ZNF69: variants seen among roughly 807,000 people sequenced by gnomAD.
ZNF69 encodes the protein zinc finger protein 69, also known as ZNF3.
Under a neutral mutation model 50.9 loss-of-function variants are expected in ZNF69, and 47 were observed. The observed-to-expected ratio is 0.92, with a 90% confidence interval of 0.73 to 1.18. The LOEUF is 1.18. Among genes scored for constraint, ZNF69 ranks in the 50% most tolerant of loss-of-function variants. The probability of loss-of-function intolerance (pLI) is 0.00; values close to 1 mark genes in which losing one functional copy is unlikely to be tolerated. For missense variants in ZNF69, 717 were observed against 675.1 expected, an observed-to-expected ratio of 1.06 and a Z score of -0.69; for synonymous variants, 216 against 223.1, an observed-to-expected ratio of 0.97 and a Z score of 0.29.
the ZNF69 span, chr19:11,950,232 T>C: frequency 4.3e-4 from 691 of 1,610,390 alleles, 4 homozygotes; most frequent in African/African-American, 7.6e-3. Flanking sequence ...AATGTAAGGA[T>C]TGTGGGAAAG....
At chr19:11,950,133 C>G in the ZNF69 span, 1 of 1,614,118 alleles carries the variant, frequency 6.2e-7, no homozygotes, top group Non-Finnish European at 8.5e-7. Context: ...GAGAGAAACA[C>G]TATGAATGTA....
chr19:11,906,149 C>T lies in ZNF69; in HGVS notation c.*51C>T, dbSNP rs1008938486. 3.2e-6 allele frequency: 5 copies of T among 1,581,958 alleles called. No homozygotes were observed. Among genetic ancestry groups the T allele is most frequent in the East Asian group, 4.5e-5 (2 of 44,822 alleles). On this transcript the variant is annotated 3_prime_UTR_variant, in exon 4 of 4. Coordinates refer to ENST00000429654, the MANE Select transcript of ZNF69 (RefSeq NM_001364730.1). ...ACCTTTGAATGCATGGTAGGACACACAATCAAGAGAAACCATGAATGTAAA... is the reference window on the plus strand; with the variant it reads ...ACCTTTGAATGCATGGTAGGACACATAATCAAGAGAAACCATGAATGTAAA...
In ZNF69 at chr19:11,899,550, A is replaced by T. The variant is rs192709544; in HGVS notation, c.64-4023A>T. ...TGTGATGCCTCATCCCTGAGTTCCC[A>T]GCACACGGGAGACTGAGGTGAGATT... On this transcript the variant is annotated intron_variant, in intron 1 of 3. Coordinates refer to ENST00000429654, the MANE Select transcript of ZNF69 (RefSeq NM_001364730.1). Among the ~76,000 whole-genome samples, 463 of 152,248 alleles carry T rather than the reference A, an allele frequency of 3.0e-3. 1 individual carries two copies. Among genetic ancestry groups the T allele is most frequent in the African/African-American group, 0.01 (432 of 41,554 alleles).
chr19:11,924,597 T>C, the ZNF69 span, among the ~76,000 whole-genome samples: 1 of 151,938 alleles, frequency 6.6e-6, no homozygotes, highest in Non-Finnish European at 1.5e-5. Context: ...CTGGTGAAAA[T>C]GAAGATCTGA....
In ZNF69 at chr19:11,906,233, C is replaced by G. The variant is rs1172320170; in HGVS notation, c.*135C>G. 9.9e-6 allele frequency: 15 copies of G among 1,516,362 alleles called. No individual in the cohort carries two copies. The highest frequency in any genetic ancestry group is 1.2e-5 in the Non-Finnish European group (14 of 1,140,730). The allele number at this position is 1,516,362 out of a possible 1,614,324, so 93.9% of individuals were successfully genotyped here. ...CTTCGAATTCAGTAAAGGACACAAGCACACATAAGAATGCATTCTGGATAG... is the reference window on the plus strand; with the variant it reads ...CTTCGAATTCAGTAAAGGACACAAGGACACATAAGAATGCATTCTGGATAG... On this transcript the variant is annotated 3_prime_UTR_variant, in exon 4 of 4. Transcript: ENST00000429654.
chr19:11,952,866 G>A, the ZNF69 span: 1 of 152,206 alleles, frequency 6.6e-6, no homozygotes, highest in Non-Finnish European at 1.5e-5. Flanking sequence ...TTGAGGTCAG[G>A]AGTTGAAGAC....
chr19:11,908,937 A>C (rs1972418137), downstream of ZNF69, among the ~76,000 whole-genome samples: 1 of 152,254 alleles, frequency 6.6e-6, no homozygotes, highest in Admixed American at 6.5e-5. Context: ...AGACTAATAA[A>C]GAAGAAAAGA....
In ZNF69 at chr19:11,904,842, A is replaced by G. The variant is rs777689712; in HGVS notation, c.445A>G (p.Ile149Val). 3.7e-6 allele frequency: 6 copies of G among 1,614,130 alleles called. No homozygotes were observed. In the South Asian group the frequency reaches 6.6e-5, roughly 18 times the overall value. ...TTTTAATATGAACATCAGAGGTGAC[A>G]TTGGACACAAGGCCTATGAGTATCA... ...SSFNMNIRGD[I>V]GHKAYEYQEY... Residue 149 changes from isoleucine to valine, a missense_variant, in exon 4 of 4, where the codon ATT becomes GTT. Physicochemically the swap from Ile to Val is conservative, Grantham distance 29. Transcript: ENST00000429654.
downstream of ZNF69, among the ~76,000 whole-genome samples, chr19:11,910,295 T>A (rs1373077210): frequency 6.6e-6 from 1 of 152,208 alleles, no homozygotes; most frequent in Non-Finnish European, 1.5e-5. Context: ...TACCGATGAC[T>A]TTCTTCACAG....
the ZNF69 span, among the ~76,000 whole-genome samples, chr19:11,967,271 A>G: frequency 6.6e-6 from 1 of 152,292 alleles, no homozygotes; most frequent in East Asian, 1.9e-4. Flanking sequence ...AGGAGGCAGA[A>G]GTTGCAGCCC....
At chr19:11,904,373 C>G (rs1326038800) in intron 3 of ZNF69, among the ~76,000 whole-genome samples, 2 of 152,018 alleles carry the variant, frequency 1.3e-5, no homozygotes, top group East Asian at 3.9e-4. Flanking sequence ...GGACGAGACC[C>G]CTAAATAAAA....
the ZNF69 span, among the ~76,000 whole-genome samples, chr19:11,922,730 A>G: frequency 3.9e-5 from 6 of 152,286 alleles, no homozygotes; most frequent in Admixed American, 2.0e-4. Context: ...TCCAGTCCAT[A>G]AGGAAATACC....
chr19:11,926,103 G>C, the ZNF69 span, among the ~76,000 whole-genome samples: 1 of 152,162 alleles, frequency 6.6e-6, no homozygotes, highest in Non-Finnish European at 1.5e-5. Flanking sequence ...TCTGTTATCT[G>C]CCACTTGATT....
the ZNF69 span, chr19:11,979,088 G>A: frequency 0.041 from 65,492 of 1,613,866 alleles, 2,330 homozygotes; most frequent in African/African-American, 0.19. Flanking sequence ...CTAAGAATGC[G>A]CTCTGGAGAA....
chr19:11,939,662 C>G, the ZNF69 span, among the ~76,000 whole-genome samples: 9 of 152,132 alleles, frequency 5.9e-5, no homozygotes, highest in Non-Finnish European at 1.2e-4. Context: ...AGTTCCACCA[C>G]GTTGGCCAGG....
At chr19:11,963,088 A>AGAGAGAGAGAGAGAGTGTGTGTGTGTGT in the ZNF69 span, among the ~76,000 whole-genome samples, 2 of 138,248 alleles carry the variant, frequency 1.4e-5, no homozygotes, top group African/African-American at 6.1e-5. Flanking sequence ...AGAGAGAGAG[A>AGAGAGAGAGAGAGAGTGTGTGTGTGTGT]GTGTGTGTGT....
chr19:11,950,006 CTTCTT>C, the ZNF69 span: 8 of 1,614,060 alleles, frequency 5.0e-6, no homozygotes, highest in Non-Finnish European at 5.9e-6. Flanking sequence ...TGTAAATTCT[CTTCTT>C]TTCAAATACA....
the ZNF69 span, among the ~76,000 whole-genome samples, chr19:11,970,784 A>G: frequency 1.3e-5 from 2 of 152,208 alleles, no homozygotes; most frequent in Admixed American, 1.3e-4. Context: ...ATACAGCATT[A>G]GCTGAGCATG....
the ZNF69 span, among the ~76,000 whole-genome samples, chr19:11,928,078 C>T: frequency 1.3e-5 from 2 of 152,024 alleles, no homozygotes; most frequent in Non-Finnish European, 2.9e-5. Context: ...TTACTGCAGC[C>T]TTGACCTCCC....
Sources: gnomAD v4.1 joint callset for allele counts (sites outside exome capture counted in the v4.1 genomes callset) on GRCh38, gnomAD v4.1.1 for gene constraint, MANE v1.5 for transcripts, NCBI Gene and HGNC (gene_info 2026-07-23, HGNC 2026-07-21) for gene names.